MYL4: variants seen among roughly 807,000 people sequenced by gnomAD.
MYL4 encodes the protein myosin light chain 4, also known as atrial myosin light chain 1.
A neutral mutation model predicts 21.6 loss-of-function variants in MYL4; 16 were observed. That is an observed-to-expected ratio of 0.74 (90% CI 0.50 to 1.12). MYL4 has a LOEUF of 1.12. MYL4 is among the 50% of genes most tolerant of loss of function. The pLI is 0.00. For missense variants in MYL4, 249 were observed against 252.9 expected (o/e 0.98, Z 0.11); for synonymous variants, 82 against 95.7 (o/e 0.86, Z 0.83).
At chr17:47,196,991 G>A (rs1264140808), upstream of MYL4, among the ~76,000 whole-genome samples, 1 of 150,642 alleles carries the variant, frequency 6.6e-6, no homozygotes, top group African/African-American at 2.5e-5. Context: ...ATGACTTGAT[G>A]ACTTAATTTC....
chr17:47,208,550 TACACACACACAC>T (rs55886095), upstream of MYL4, among the ~76,000 whole-genome samples: 24 of 145,964 alleles, frequency 1.6e-4, no homozygotes, highest in Admixed American at 3.4e-4. Flanking sequence ...TAGTAAGCAC[TACACACACACAC>T]ACACACACAC....
chr17:47,210,878 T>G (rs930457905), intron 1 of MYL4, among the ~76,000 whole-genome samples: 1 of 152,222 alleles, frequency 6.6e-6, no homozygotes, highest in African/African-American at 2.4e-5. Flanking sequence ...AAGCTGAGCC[T>G]GGCAGGAAAA....
chr17:47,202,868 A>G (rs567827903), intron 1 of MYL4, among the ~76,000 whole-genome samples: 2 of 152,296 alleles, frequency 1.3e-5, no homozygotes, highest in African/African-American at 4.8e-5. Flanking sequence ...GTATTGTGAA[A>G]GGTTTCAATT....
the MYL4 span, among the ~76,000 whole-genome samples, chr17:47,190,809 C>G: frequency 6.6e-6 from 1 of 152,198 alleles, no homozygotes; most frequent in Non-Finnish European, 1.5e-5. Context: ...AAATGAAGTT[C>G]TTCAGATGCC....
intron 1 of MYL4, among the ~76,000 whole-genome samples, chr17:47,210,612 G>A (rs1251976694): frequency 6.6e-6 from 1 of 152,078 alleles, no homozygotes; most frequent in Non-Finnish European, 1.5e-5. Context: ...AGCAGGCAGG[G>A]AAATTAAAAC....
At chr17:47,203,263 C>T (rs1255840400) in intron 1 of MYL4, among the ~76,000 whole-genome samples, 2 of 152,122 alleles carry the variant, frequency 1.3e-5, no homozygotes, top group East Asian at 1.9e-4. Context: ...TTTCATATCC[C>T]TTTTTTTAAA....
downstream of MYL4, among the ~76,000 whole-genome samples, chr17:47,225,153 C>T (rs62074387): frequency 2.0e-5 from 3 of 152,156 alleles, no homozygotes; most frequent in African/African-American, 7.2e-5. Flanking sequence ...AAGAATTCAG[C>T]CAAGGCTGCC....
intron 2 of MYL4, among the ~76,000 whole-genome samples, chr17:47,218,738 G>C (rs1299065539): frequency 1.3e-5 from 2 of 152,206 alleles, no homozygotes; most frequent in Non-Finnish European, 2.9e-5. Context: ...AGTGAACTGA[G>C]ATCACACCAC....
At chr17:47,217,686 T>G (rs2064824928) in intron 2 of MYL4, among the ~76,000 whole-genome samples, 1 of 152,186 alleles carries the variant, frequency 6.6e-6, no homozygotes, top group Non-Finnish European at 1.5e-5. Flanking sequence ...ATTATTGTAT[T>G]TATATACCTA....
At chr17:47,220,969 G>A (rs575973400) in intron 3 of MYL4, among the ~76,000 whole-genome samples, 6 of 152,244 alleles carry the variant, frequency 3.9e-5, no homozygotes, top group African/African-American at 2.4e-5. Context: ...AGGTAACCGC[G>A]GGGGTGAAGG....
chr17:47,211,860 GGGGAT>G (rs762096467), intron 1 of MYL4, among the ~76,000 whole-genome samples: 1 of 152,120 alleles, frequency 6.6e-6, no homozygotes, highest in African/African-American at 2.4e-5. Flanking sequence ...CCAGTGGAGA[GGGGAT>G]GGGATGGGAT....
chr17:47,204,617 A>G (rs2149038973), upstream of MYL4, among the ~76,000 whole-genome samples: 1 of 152,208 alleles, frequency 6.6e-6, no homozygotes, highest in South Asian at 2.1e-4. Flanking sequence ...CTGTAGTCCC[A>G]GCTACTTGGG....
At chr17:47,204,782 G>C (rs1039217080), upstream of MYL4, among the ~76,000 whole-genome samples, 21 of 151,958 alleles carry the variant, frequency 1.4e-4, no homozygotes, top group Non-Finnish European at 2.6e-4. Context: ...AAACCAGGCA[G>C]TCTGATTCAT....
intron 3 of MYL4, among the ~76,000 whole-genome samples, chr17:47,220,635 G>A (rs962615805): frequency 1.3e-5 from 2 of 152,160 alleles, no homozygotes; most frequent in Admixed American, 6.5e-5. Context: ...AGAAAGTGGT[G>A]CAAACGATTC....
intron 1 of MYL4, among the ~76,000 whole-genome samples, chr17:47,212,148 G>A (rs1187645627): frequency 6.6e-6 from 1 of 152,030 alleles, no homozygotes; most frequent in Admixed American, 6.6e-5. Flanking sequence ...CTTGGGAGGC[G>A]AAGGTCGCAG....
chr17:47,213,967 T>C (rs750029772), intron 2 of MYL4, 141 bp downstream of exon 2: 18 of 997,080 alleles, frequency 1.8e-5, no homozygotes, highest in Non-Finnish European at 2.7e-5. Flanking sequence ...ATTGAGCATC[T>C]ACCATGTGTC....
chr17:47,203,515 T>G (rs186575278), intron 1 of MYL4, among the ~76,000 whole-genome samples: 2 of 152,224 alleles, frequency 1.3e-5, no homozygotes, highest in Admixed American at 1.3e-4. Context: ...TCTTATTTCA[T>G]CTATTATACT....
the MYL4 span, among the ~76,000 whole-genome samples, chr17:47,195,400 T>G: frequency 1.2e-3 from 190 of 152,274 alleles, no homozygotes; most frequent in Middle Eastern, 6.8e-3. Context: ...CAGCTAATTT[T>G]GTATTTTTAG....
chr17:47,207,383 GTTT>G (rs1567743506), upstream of MYL4, among the ~76,000 whole-genome samples: 1 of 152,150 alleles, frequency 6.6e-6, no homozygotes, highest in African/African-American at 2.4e-5. Context: ...CAACTTCAAC[GTTT>G]CCCTGGACCT....
Sources: allele counts gnomAD v4.1 joint callset (sites outside exome capture counted in the v4.1 genomes callset), GRCh38; gene constraint gnomAD v4.1.1; transcripts MANE v1.5; gene names NCBI Gene and HGNC (gene_info 2026-07-23, HGNC 2026-07-21).